Variants in DROSHA observed in about 807,000 individuals in gnomAD.
The protein encoded by DROSHA is ribonuclease 3.
DROSHA carries 56 observed loss-of-function variants against 181.9 expected under a neutral mutation model. The observed-to-expected ratio is 0.31, with a 90% CI of 0.25 to 0.38. DROSHA has a LOEUF of 0.38. Among genes scored for constraint, DROSHA ranks in the 10% least tolerant of loss-of-function variants. The pLI, the probability that DROSHA is intolerant of heterozygous loss-of-function variation, is 1.00. For missense variants in DROSHA, 1,218 were observed against 1,743.5 expected (o/e 0.70, Z 5.37); for synonymous variants, 524 against 591.2 (o/e 0.89, Z 1.65).
chr5:31,458,793 C>T (rs1050451887), intron 20 of DROSHA, among the ~76,000 whole-genome samples: 30 of 152,296 alleles, frequency 2.0e-4, no homozygotes, highest in African/African-American at 6.5e-4. Context: ...TAAATAGCCA[C>T]ATGCAACCAG....
At chr5:31,483,420 C>T (rs1277779613) in intron 16 of DROSHA, 134 bp downstream of exon 16, 9 of 808,226 alleles carry the variant, frequency 1.1e-5, no homozygotes, top group South Asian at 3.3e-5. Flanking sequence ...TTTACATTTC[C>T]GTGCCTAACC....
intron 16 of DROSHA, among the ~76,000 whole-genome samples, chr5:31,481,164 C>T (rs1188290719): frequency 1.3e-5 from 2 of 152,016 alleles, no homozygotes; most frequent in East Asian, 3.9e-4. Context: ...AACAAATCAA[C>T]CGTAATTTCC....
In DROSHA at chr5:31,493,007, G is replaced by A. The variant is rs189930915; in HGVS notation, c.1842+200C>T. ...TTACTTACACCATTTAATGCAGACC[G>A]AACCCGTGACTCATTAGCACAGATG... On this transcript the variant is annotated intron_variant, in intron 13 of 35. Transcript: ENST00000344624. Among the ~76,000 whole-genome samples, 223 of 152,268 alleles carry A rather than the reference G, an allele frequency of 1.5e-3. 4 individuals carry two copies. Among genetic ancestry groups the A allele is most frequent in the Admixed American group, 0.012 (188 of 15,294 alleles).
intron 13 of DROSHA, among the ~76,000 whole-genome samples, chr5:31,488,589 A>G (rs1298574343): frequency 1.3e-5 from 2 of 152,186 alleles, no homozygotes; most frequent in Non-Finnish European, 2.9e-5. Context: ...CAGATGATCT[A>G]GAGAGGAAAA....
intron 28 of DROSHA, 67 bp from the exon 29 acceptor site, chr5:31,423,011 C>T (rs1742954287): frequency 7.5e-7 from 1 of 1,326,982 alleles, no homozygotes; most frequent in South Asian, 2.0e-5. Flanking sequence ...ATGATCAATT[C>T]TAGGACAGTG....
intron 20 of DROSHA, among the ~76,000 whole-genome samples, chr5:31,453,411 A>G (rs778609973): frequency 1.1e-4 from 16 of 152,164 alleles, no homozygotes; most frequent in Non-Finnish European, 1.9e-4. Context: ...CATGTTGCCC[A>G]GGTTGGTCTT....
chr5:31,463,853 C>T (rs187855637), intron 20 of DROSHA, among the ~76,000 whole-genome samples: 4 of 152,272 alleles, frequency 2.6e-5, no homozygotes, highest in Admixed American at 2.0e-4. Context: ...AGAAAACATA[C>T]ACTTTACGAG....
chr5:31,465,229 C>T (rs1057234295), intron 19 of DROSHA, among the ~76,000 whole-genome samples: 5 of 152,168 alleles, frequency 3.3e-5, no homozygotes, highest in Non-Finnish European at 7.3e-5. Flanking sequence ...AATAAAACCT[C>T]CCTGAGACAA....
intron 27 of DROSHA, among the ~76,000 whole-genome samples, chr5:31,427,088 A>G (rs1184600628): frequency 6.6e-6 from 1 of 152,206 alleles, no homozygotes. Context: ...AATGTTACAC[A>G]TGTTGAAATG....
chr5:31,436,522 A>G (rs914634622), intron 24 of DROSHA, among the ~76,000 whole-genome samples: 6 of 151,814 alleles, frequency 4.0e-5, no homozygotes, highest in African/African-American at 1.5e-4. Flanking sequence ...ACTCCCAGGT[A>G]GCTGGGACTA....
chr5:31,483,893 A>G (rs1156445155), intron 15 of DROSHA, among the ~76,000 whole-genome samples: 2 of 152,198 alleles, frequency 1.3e-5, no homozygotes, highest in African/African-American at 2.4e-5. Flanking sequence ...AAATACATAC[A>G]GTAAAATTAT....
intron 17 of DROSHA, among the ~76,000 whole-genome samples, chr5:31,469,000 T>G: frequency 6.6e-6 from 1 of 152,206 alleles, no homozygotes; most frequent in East Asian, 1.9e-4. Context: ...TGGGACAAAC[T>G]GGTCACTCTA....
intron 23 of DROSHA, among the ~76,000 whole-genome samples, chr5:31,448,246 C>G (rs1396094490): frequency 3.9e-5 from 6 of 152,142 alleles, no homozygotes. Context: ...AAGACAATCA[C>G]AAAGAACTGA....
Position 31,486,720 on chromosome 5 carries a change from T to G in DROSHA, c.1843-158A>C, listed in dbSNP as rs1751813087. On this transcript the variant is annotated intron_variant, in intron 13 of 35. Transcript: ENST00000344624. ...ACTGCACATGAAGCTTGACCACAAC[T>G]GCTGGATTTTAATGACAAGAACCCA... 4 of 576,746 alleles carry G rather than the reference T, an allele frequency of 6.9e-6. No homozygotes were observed. In the South Asian group the frequency reaches 1.0e-4, roughly 14 times the overall value. 35.7% of individuals were successfully genotyped at this position (576,746 alleles called of 1,614,324 possible).
At chr5:31,495,477 GTC>G (rs1352700581) in intron 11 of DROSHA, 105 bp from the exon 12 acceptor site, 3 of 1,058,350 alleles carry the variant, frequency 2.8e-6, no homozygotes, top group Non-Finnish European at 4.1e-6. Context: ...CAGGTTTTAT[GTC>G]TGTTCCTTCA....
chr5:31,422,468 G>A lies in DROSHA; in HGVS notation c.3419+319C>T, dbSNP rs76116311. Among the ~76,000 whole-genome samples the A allele has an allele frequency of 3.1e-3, 467 of 152,234 alleles. 1 individual carries two copies. The highest frequency in any genetic ancestry group is 0.011 in the African/African-American group (455 of 41,534). ...GCTTTGATGCTACTATGGCAGAGTC[G>A]AATCACTGCACACAGGCCACATGGC... is the stretch of plus-strand genomic sequence containing the variant. On this transcript the variant is annotated intron_variant, in intron 29 of 35. Transcript: ENST00000344624.
At chr5:31,498,164 C>T (rs1753200341) in intron 11 of DROSHA, among the ~76,000 whole-genome samples, 1 of 152,150 alleles carries the variant, frequency 6.6e-6, no homozygotes, top group South Asian at 2.1e-4. Flanking sequence ...TTGTAGACTG[C>T]TGACACAGGC....
chr5:31,493,416 A>C lies in DROSHA; in HGVS notation c.1756-123T>G, dbSNP rs529301365. ...GGACTTCCTTTCAGACACCAGGGAG[A>C]ACTTTATACAAAGTTTAATTTTACA... On this transcript the variant is annotated intron_variant, in intron 12 of 35. Transcript: ENST00000344624. 13 of 742,670 alleles carry C rather than the reference A, an allele frequency of 1.8e-5. No individual in the cohort carries two copies. In the South Asian group the frequency reaches 3.1e-4, roughly 18 times the overall value. 46.0% of individuals were successfully genotyped at this position (742,670 alleles called of 1,614,324 possible).
intron 3 of DROSHA, among the ~76,000 whole-genome samples, 194 bp from the exon 4 acceptor site, chr5:31,529,299 A>G (rs979749136): frequency 6.6e-6 from 1 of 152,212 alleles, no homozygotes; most frequent in Non-Finnish European, 1.5e-5. Context: ...TTAAAATGTC[A>G]TTATTACTAG....
Sources: gnomAD v4.1 joint callset for allele counts (sites outside exome capture counted in the v4.1 genomes callset) on GRCh38, gnomAD v4.1.1 for gene constraint, MANE v1.5 for transcripts, NCBI Gene and HGNC (gene_info 2026-07-23, HGNC 2026-07-21) for gene names.